The following IPCEF1 variants were observed in gnomAD, a reference collection of about 807,000 sequenced individuals.
IPCEF1 encodes the protein interactor protein for cytohesin exchange factors 1.
IPCEF1 carries 31 observed loss-of-function variants against 50.9 expected under a neutral mutation model. That is an observed-to-expected ratio of 0.61 (90% CI 0.46 to 0.82). IPCEF1 has a LOEUF of 0.82. Ranked by LOEUF, IPCEF1 falls within the 40% of genes least tolerant of loss-of-function variation. IPCEF1 has a pLI of 0.00. For missense variants in IPCEF1, 458 were observed against 514.0 expected (o/e 0.89, Z 1.05); for synonymous variants, 181 against 192.0 (o/e 0.94, Z 0.47).
chr6:154,184,173 T>C (rs1385378364), intron 10 of IPCEF1, among the ~76,000 whole-genome samples: 1 of 151,840 alleles, frequency 6.6e-6, no homozygotes, highest in Non-Finnish European at 1.5e-5. Flanking sequence ...CTTCAAATGT[T>C]GAGTTACACT....
intron 3 of IPCEF1, among the ~76,000 whole-genome samples, chr6:154,250,556 C>T (rs188675274): frequency 1.8e-4 from 28 of 152,162 alleles, no homozygotes; most frequent in South Asian, 2.1e-4. Context: ...CATTTGGCCA[C>T]GAATCACTCA....
chr6:154,304,425 G>T (rs1236301033), intron 1 of IPCEF1, among the ~76,000 whole-genome samples: 1 of 152,064 alleles, frequency 6.6e-6, no homozygotes, highest in Non-Finnish European at 1.5e-5. Context: ...CAATTTAATA[G>T]ACAGATAAAC....
At chr6:154,236,685 G>A (rs1404691689) in intron 5 of IPCEF1, among the ~76,000 whole-genome samples, 1 of 152,158 alleles carries the variant, frequency 6.6e-6, no homozygotes, top group Non-Finnish European at 1.5e-5. Flanking sequence ...TGCTGTTAAT[G>A]AGCACCATCT....
intron 9 of IPCEF1, among the ~76,000 whole-genome samples, chr6:154,206,528 C>T (rs1321902991): frequency 6.6e-6 from 1 of 152,076 alleles, no homozygotes; most frequent in Admixed American, 6.5e-5. Context: ...CTGGCTCTGA[C>T]TTTAAGAATT....
chr6:154,304,502 A>T (rs1418901340), intron 1 of IPCEF1, among the ~76,000 whole-genome samples: 1 of 152,172 alleles, frequency 6.6e-6, no homozygotes, highest in Non-Finnish European at 1.5e-5. Context: ...ATAGCCCATC[A>T]CTTAGGACAC....
chr6:154,289,623 A>G (rs1782460799), intron 2 of IPCEF1, 90 bp downstream of exon 2: 2 of 152,184 alleles, frequency 1.3e-5, no homozygotes, highest in Admixed American at 6.5e-5. Context: ...TGATTCACAA[A>G]CTAGAATAAC....
Position 154,275,603 on chromosome 6 carries a change from G to C in IPCEF1, c.-17-9639C>G, listed in dbSNP as rs76412201. The stretch of plus-strand genomic sequence containing the variant: ...ATAATTACATTTTCTGTCTGCAGAA[G>C]ATGAAATGTTTTTCTACTTGGTGAA... On this transcript the variant is annotated intron_variant, in intron 2 of 11. Transcript: ENST00000367220. Among the ~76,000 whole-genome samples the C allele has an allele frequency of 5.4e-3, 828 of 152,302 alleles. 12 individuals carry two copies. The highest frequency in any genetic ancestry group is 0.019 in the African/African-American group (781 of 41,546).
rs564573212 is a variant in IPCEF1, at chr6:154,339,149, C to G, written c.-62+17523G>C. On this transcript the variant is annotated intron_variant, in intron 1 of 11. Coordinates refer to ENST00000367220, the MANE Select transcript of IPCEF1 (RefSeq NM_001130700.2). ...GGTGTATATTCAGGGCAACTTGAAT[C>G]TGTGCTCCTCGGTGGCCATTCTCAA... 2.6e-5 allele frequency among the ~76,000 whole-genome samples: 4 copies of G among 152,228 alleles called. No individual in the cohort carries two copies. The Middle Eastern group carries it at 0.01, about 388-fold the overall frequency.
chr6:154,272,732 T>G (rs1375762247), intron 2 of IPCEF1, among the ~76,000 whole-genome samples: 2 of 152,226 alleles, frequency 1.3e-5, no homozygotes, highest in Non-Finnish European at 2.9e-5. Context: ...TTTAGCCATT[T>G]TAGAAATTGT....
chr6:154,167,041 C>T (rs1799496295), intron 11 of IPCEF1, among the ~76,000 whole-genome samples: 1 of 152,208 alleles, frequency 6.6e-6, no homozygotes, highest in African/African-American at 2.4e-5. Context: ...CTAAGAGCCA[C>T]TCAGCCTGCC....
intron 5 of IPCEF1, among the ~76,000 whole-genome samples, chr6:154,242,407 T>C (rs1455251617): frequency 6.6e-6 from 1 of 152,194 alleles, no homozygotes; most frequent in Non-Finnish European, 1.5e-5. Flanking sequence ...GCAACGTAAA[T>C]GCCGAAGATT....
intron 1 of IPCEF1, among the ~76,000 whole-genome samples, chr6:154,347,783 A>G (rs1562298068): frequency 6.6e-6 from 1 of 152,166 alleles, no homozygotes; most frequent in Admixed American, 6.6e-5. Context: ...ATCCATTGGC[A>G]AAAGGCCACC....
In IPCEF1 at chr6:154,199,872, C is replaced by T; in HGVS notation, c.706G>A (p.Gly236Arg). 3 of 1,614,134 alleles carry T rather than the reference C, an allele frequency of 1.9e-6. No homozygotes were observed. Among genetic ancestry groups the T allele is most frequent in the South Asian group, 2.2e-5 (2 of 91,082 alleles). The change falls in exon 10 of 12, where the codon GGA (glycine) becomes AGA (arginine). Residue 236 changes from glycine (G) to arginine (R), a missense_variant. Physicochemically the swap from Gly to Arg is moderately radical, Grantham distance 125 (BLOSUM62 -2). Coordinates refer to ENST00000367220, the MANE Select transcript of IPCEF1 (RefSeq NM_001130700.2). ...TGCACAGCAAACGTTATTGGTTGTC[C>T]CTCATCTTCAGCAGCAGACAAACTG... ...VNSLSAAEDEGQPITFAVQVH... is the reference protein window; with the variant it reads ...VNSLSAAEDERQPITFAVQVH...
chr6:154,265,617 A>T (rs1449842302), intron 3 of IPCEF1, among the ~76,000 whole-genome samples: 1 of 152,092 alleles, frequency 6.6e-6, no homozygotes, highest in Non-Finnish European at 1.5e-5. Context: ...TTTCCTACAG[A>T]GGTTGCATGA....
chr6:154,201,121 T>C (rs2128592763), intron 9 of IPCEF1, among the ~76,000 whole-genome samples: 1 of 152,310 alleles, frequency 6.6e-6, no homozygotes, highest in East Asian at 1.9e-4. Flanking sequence ...TCCTCCATGA[T>C]TGTAAAGTTT....
At position 154,159,550 on chromosome 6, in the gene IPCEF1, C is replaced by T. The variant is rs1436890205; in HGVS notation, c.*278G>A. 1 of 440,722 alleles carries T rather than the reference C, an allele frequency of 2.3e-6. No homozygotes were observed. The highest frequency in any genetic ancestry group is 4.0e-6 in the Non-Finnish European group (1 of 250,044). 27.3% of individuals were successfully genotyped at this position (440,722 alleles called of 1,614,324 possible). A position where few individuals can be genotyped will look rare whatever the true frequency, so the allele number is the denominator to read the frequency against. On this transcript the variant is annotated 3_prime_UTR_variant, in exon 12 of 12. Coordinates refer to ENST00000367220, the MANE Select transcript of IPCEF1 (RefSeq NM_001130700.2). ...AACAGAAGAGACATTTCTCACATCC[C>T]CCCTAGAGCCCCACATCACCGTGAG...
intron 10 of IPCEF1, among the ~76,000 whole-genome samples, chr6:154,185,062 T>A (rs1438722881): frequency 6.6e-6 from 1 of 152,220 alleles, no homozygotes; most frequent in Non-Finnish European, 1.5e-5. Flanking sequence ...TCCTGCTACA[T>A]GGCATGACTA....
At chr6:154,230,882 C>A (rs994754603) in intron 5 of IPCEF1, among the ~76,000 whole-genome samples, 1 of 151,600 alleles carries the variant, frequency 6.6e-6, no homozygotes, top group East Asian at 1.9e-4. Flanking sequence ...GAAAAAAAAA[C>A]AGCTAAAAAA....
intron 1 of IPCEF1, among the ~76,000 whole-genome samples, chr6:154,293,967 G>C (rs972846084): frequency 1.3e-5 from 2 of 152,152 alleles, no homozygotes; most frequent in African/African-American, 4.8e-5. Context: ...CAGATAATAA[G>C]AGAGGCTGCC....
Sources: gnomAD v4.1 joint callset for allele counts (sites outside exome capture counted in the v4.1 genomes callset) on GRCh38, gnomAD v4.1.1 for gene constraint, MANE v1.5 for transcripts, NCBI Gene and HGNC (gene_info 2026-07-23, HGNC 2026-07-21) for gene names.